Variants in PHIP observed in about 807,000 individuals in gnomAD.
PHIP encodes PH-interacting protein.
A neutral mutation model predicts 236.8 loss-of-function variants in PHIP; 54 were observed. That is an observed-to-expected ratio of 0.23 (90% CI 0.18 to 0.29). PHIP has a LOEUF of 0.29. Among genes scored for constraint, PHIP ranks in the 10% least tolerant of loss-of-function variants. The probability of loss-of-function intolerance (pLI) is 1.00; values close to 1 mark genes in which losing one functional copy is unlikely to be tolerated. For synonymous variants in PHIP, 756 were observed against 718.9 expected (o/e 1.05, Z -0.83); for missense variants, 1,370 against 2,190.8 (o/e 0.63, Z 7.48).
At chr6:78,954,782 C>G (rs1273702802) in intron 35 of PHIP, 32 bp downstream of exon 35, 5 of 1,466,478 alleles carry the variant, frequency 3.4e-6, no homozygotes, top group Non-Finnish European at 4.6e-6. Flanking sequence ...AGCAAACTGA[C>G]AGGTAAAGAA....
intron 6 of PHIP, among the ~76,000 whole-genome samples, chr6:79,057,009 C>T (rs914001518): frequency 1.1e-4 from 17 of 152,082 alleles, no homozygotes; most frequent in Non-Finnish European, 1.3e-4. Flanking sequence ...ATTTATTAAA[C>T]GGACATAAGA....
rs116344112 is a variant in PHIP at position 79,034,327 on chromosome 6, T to C, written c.601-8163A>G. ...TGTCTAGTAACACATTTGACTTTAA[T>C]GTTCTCATGAAGAAAAGTTCCACAG... On this transcript the variant is annotated intron_variant, in intron 7 of 39. Transcript: ENST00000275034. Among the ~76,000 whole-genome samples, 1,338 of 152,328 alleles carry C rather than the reference T, an allele frequency of 8.8e-3. 21 individuals are homozygous for C. Among genetic ancestry groups the C allele is most frequent in the African/African-American group, 0.029 (1,211 of 41,564 alleles).
At chr6:78,971,050 C>T (rs1462177150) in intron 24 of PHIP, among the ~76,000 whole-genome samples, 162 bp from the exon 25 acceptor site, 1 of 152,120 alleles carries the variant, frequency 6.6e-6, no homozygotes, top group Non-Finnish European at 1.5e-5. Context: ...CTTAACATCA[C>T]TAAATCATAA....
At chr6:79,064,421 T>C (rs1364967472) in intron 4 of PHIP, among the ~76,000 whole-genome samples, 5 of 152,176 alleles carry the variant, frequency 3.3e-5, no homozygotes, top group African/African-American at 4.8e-5. Flanking sequence ...TGGTCCATAG[T>C]CCATCTAATT....
chr6:79,042,863 T>A lies in PHIP; in HGVS notation c.580A>T (p.Thr194Ser). Residue 194 changes from threonine (T) to serine (S), a missense_variant, in exon 7 of 40, where the codon ACT (threonine) becomes TCT (serine). Around this residue, in one of 14 missense-constraint regions of PHIP, gnomAD observed 82 missense variants for 203.2 expected, o/e 0.40. Transcript: ENST00000275034. ...CTTACAGTAAATATCCGTCTGCCAGTTCGATCAAAAGTTACACAGTACACA... is the reference window on the plus strand; with the variant it reads ...CTTACAGTAAATATCCGTCTGCCAGATCGATCAAAAGTTACACAGTACACA... ...SSVYCVTFDR[T>S]GRRIFTGSDD... 1.0e-5 allele frequency: 16 copies of A among 1,601,820 alleles called. No individual in the cohort carries two copies. Among genetic ancestry groups the A allele is most frequent in the Non-Finnish European group, 1.4e-5 (16 of 1,176,444 alleles).
chr6:79,050,549 C>A (rs896618228), intron 6 of PHIP, among the ~76,000 whole-genome samples: 1 of 152,156 alleles, frequency 6.6e-6, no homozygotes, highest in African/African-American at 2.4e-5. Context: ...GTATGTACAG[C>A]AGTTAAGGAG....
chr6:78,961,583 TG>T (rs1766783392), intron 31 of PHIP, 106 bp downstream of exon 31: 1 of 1,010,794 alleles, frequency 9.9e-7, no homozygotes, highest in African/African-American at 1.6e-5. Context: ...CATAATCTTA[TG>T]TGCATTCCTA....
chr6:78,971,600 A>G (rs1279819026), intron 24 of PHIP, among the ~76,000 whole-genome samples: 1 of 152,114 alleles, frequency 6.6e-6, no homozygotes, highest in Non-Finnish European at 1.5e-5. Context: ...TGATTTCTGC[A>G]TTTCCATCTG....
chr6:78,950,827 CTTTTT>C (rs752036707), intron 35 of PHIP, among the ~76,000 whole-genome samples: 71 of 151,684 alleles, frequency 4.7e-4, no homozygotes, highest in Non-Finnish European at 6.3e-4. Context: ...TATTGTTTTT[CTTTTT>C]TGAGTTTCAC....
intron 39 of PHIP, among the ~76,000 whole-genome samples, chr6:78,943,766 C>G (rs1049853853): frequency 1.3e-5 from 2 of 151,886 alleles, no homozygotes; most frequent in African/African-American, 4.8e-5. Context: ...TGGGGTGGAT[C>G]ACCAGAGGCC....
intron 27 of PHIP, 49 bp downstream of exon 27, chr6:78,969,785 AG>A (rs751270642): frequency 8.2e-6 from 7 of 854,942 alleles, no homozygotes; most frequent in Non-Finnish European, 1.3e-5. Context: ...TCACTTACTA[AG>A]AAAAAAAAAC....
chr6:78,991,292 G>A (rs180871680), intron 19 of PHIP, among the ~76,000 whole-genome samples: 12 of 151,678 alleles, frequency 7.9e-5, no homozygotes, highest in African/African-American at 2.9e-4. Flanking sequence ...ATTTTTCCAA[G>A]AGTGAGAAAT....
At chr6:78,983,493 T>C (rs1206178487) in intron 22 of PHIP, among the ~76,000 whole-genome samples, 1 of 152,150 alleles carries the variant, frequency 6.6e-6, no homozygotes, top group Admixed American at 6.6e-5. Context: ...AGCAAAAAGA[T>C]AACCCTGGAG....
chr6:79,024,415 C>G (rs567296853), intron 9 of PHIP, among the ~76,000 whole-genome samples: 3 of 152,262 alleles, frequency 2.0e-5, no homozygotes, highest in African/African-American at 7.2e-5. Context: ...ACTGTGAAAT[C>G]AACTGAATAA....
rs146282113 is a variant in PHIP, at chr6:78,947,247, C to T, written c.4207-373G>A. ...TCTCATTTCGTTGCTATATAGCACTCCTTTGTGATGTCATGTCTGGTCAGA... is the reference window on the plus strand; with the variant it reads ...TCTCATTTCGTTGCTATATAGCACTTCTTTGTGATGTCATGTCTGGTCAGA... On this transcript the variant is annotated intron_variant, in intron 36 of 39. Coordinates refer to ENST00000275034, the MANE Select transcript of PHIP (RefSeq NM_017934.7). Among the ~76,000 whole-genome samples the T allele has an allele frequency of 3.3e-5, 5 of 152,222 alleles. No homozygotes were observed. The East Asian group carries it at 9.7e-4, about 29-fold the overall frequency.
chr6:78,942,850 G>C (rs1773574153), intron 39 of PHIP, among the ~76,000 whole-genome samples: 1 of 152,114 alleles, frequency 6.6e-6, no homozygotes, highest in Admixed American at 6.6e-5. Flanking sequence ...TTCTGAGACA[G>C]GGACTATAGG....
At chr6:79,060,939 A>AATTT in intron 4 of PHIP, 121 bp from the exon 5 acceptor site, 1 of 599,694 alleles carries the variant, frequency 1.7e-6, no homozygotes, top group South Asian at 2.7e-5. Flanking sequence ...CTTTGATGTA[A>AATTT]AGTAAATCTC....
At chr6:78,989,619 ATG>A (rs1180906862) in intron 20 of PHIP, among the ~76,000 whole-genome samples, 1 of 152,244 alleles carries the variant, frequency 6.6e-6, no homozygotes, top group Non-Finnish European at 1.5e-5. Flanking sequence ...CGCTAAAAAT[ATG>A]TGAGTGTGCA....
In PHIP at chr6:79,034,252, C is replaced by T. The variant is rs561504297; in HGVS notation, c.601-8088G>A. Among the ~76,000 whole-genome samples the T allele has an allele frequency of 1.2e-4, 19 of 152,248 alleles. 1 individual carries two copies. The South Asian group carries it at 1.9e-3, about 15-fold the overall frequency. ...GTATTTGCAAAATGCAATAAAGGCA[C>T]AATGAAACAGGGTACGTCTGTATTA... On this transcript the variant is annotated intron_variant, in intron 7 of 39. Transcript: ENST00000275034.
Sources: gnomAD v4.1 joint callset for allele counts (sites outside exome capture counted in the v4.1 genomes callset) on GRCh38, gnomAD v4.1.1 for gene constraint, gnomAD v4.1.1 regional missense constraint, MANE v1.5 for transcripts, NCBI Gene and HGNC (gene_info 2026-07-23, HGNC 2026-07-21) for gene names.